The following CYP27C1 variants were observed in gnomAD, a reference collection of about 807,000 sequenced individuals.
The protein encoded by CYP27C1 is cytochrome P450 family 27 subfamily C member 1.
A neutral mutation model predicts 40.6 loss-of-function variants in CYP27C1; 29 were observed. The ratio of observed to expected loss-of-function variants is 0.71; its 90% CI spans 0.53 to 0.97. The LOEUF is 0.97. Ranked by LOEUF, CYP27C1 falls within the 50% of genes least tolerant of loss-of-function variation. CYP27C1 has a pLI of 0.00. For missense variants in CYP27C1, 390 were observed against 485.8 expected, an observed-to-expected ratio of 0.80 and a Z score of 1.85; for synonymous variants, 198 against 186.8, an observed-to-expected ratio of 1.06 and a Z score of -0.49.
chr2:127,189,983 C>T (rs928461217), intron 8 of CYP27C1, among the ~76,000 whole-genome samples: 1 of 152,090 alleles, frequency 6.6e-6, no homozygotes, highest in East Asian at 1.9e-4. Flanking sequence ...ATGAGACTTC[C>T]TTTTTCTATT....
At chr2:127,194,010 G>A (rs1682848555) in intron 6 of CYP27C1, 143 bp from the exon 7 acceptor site, 5 of 928,946 alleles carry the variant, frequency 5.4e-6, no homozygotes, top group South Asian at 1.7e-5. Flanking sequence ...GAAACATTTT[G>A]CAAGGACCTT....
intron 2 of CYP27C1, among the ~76,000 whole-genome samples, chr2:127,204,547 GAGAGAGAGAGAAAGAA>G (rs1338722384): frequency 2.3e-4 from 15 of 64,846 alleles, no homozygotes; most frequent in South Asian, 5.0e-4. Context: ...GAGAGAGAGA[GAGAGAGAGAGAAAGAA>G]AGAAAGAAAG....
At chr2:127,210,853 C>T (rs1313538685) in intron 1 of CYP27C1, among the ~76,000 whole-genome samples, 2 of 152,100 alleles carry the variant, frequency 1.3e-5, no homozygotes, top group African/African-American at 4.8e-5. Context: ...CAGAAGCACC[C>T]AGATTCATAA....
In CYP27C1 at chr2:127,199,538, G is replaced by A. The variant is rs779961606; in HGVS notation, c.885C>T (p.Ser295=). The A allele has an allele frequency of 3.1e-6, 5 of 1,612,324 alleles. No homozygotes were observed. In the African/African-American group the frequency reaches 5.3e-5, roughly 17 times the overall value. Reference sequence around the variant, plus strand: ...TCAACTTGTTGTCAACATGAATTTGGCCTGTTTGAAAACAGTATTTCTTTT... The same window carrying A: ...TCAACTTGTTGTCAACATGAATTTGACCTGTTTGAAAACAGTATTTCTTTT... ...CRSWDGLFKF[S]QIHVDNKLRD... Residue 295 remains serine, a splice_region_variant and synonymous_variant, in exon 5 of 9, where the codon AGC becomes AGT. Coordinates refer to ENST00000664447, the MANE Select transcript of CYP27C1 (RefSeq NM_001367502.1).
intron 1 of CYP27C1, among the ~76,000 whole-genome samples, chr2:127,211,606 C>T (rs1362194073): frequency 2.0e-5 from 3 of 151,800 alleles, no homozygotes; most frequent in Admixed American, 6.6e-5. Context: ...AGGATGGTCT[C>T]GACCTCCTGA....
chr2:127,203,600 TCTTA>T (rs774069613), intron 2 of CYP27C1, 29 bp from the exon 3 acceptor site: 21 of 1,592,908 alleles, frequency 1.3e-5, no homozygotes, highest in Middle Eastern at 1.7e-4. Flanking sequence ...TTTCAAATCA[TCTTA>T]CTTACACTGA....
chr2:127,204,626 A>AAAGAAAGG (rs200607857), intron 2 of CYP27C1, among the ~76,000 whole-genome samples: 1 of 38,916 alleles, frequency 2.6e-5, no homozygotes, highest in Admixed American at 3.3e-4. Flanking sequence ...AGAAAGAAAG[A>AAAGAAAGG]AGACTGCAGC....
rs1281024382 is a variant in CYP27C1, at chr2:127,208,315, G to A, written c.283-2225C>T. Among the ~76,000 whole-genome samples, 1 of 152,306 alleles carries A rather than the reference G, an allele frequency of 6.6e-6. No individual in the cohort carries two copies. Among genetic ancestry groups the A allele is most frequent in the East Asian group, 1.9e-4 (1 of 5,178 alleles). ...CCACTCCCCCCAGCCAAGGGAGGTG[G>A]TGAGTGAGCGGGCTACCCAGCTGGG... On this transcript the variant is annotated intron_variant, in intron 1 of 8. Transcript: ENST00000664447. This position sits in a 1 kb window ranked among gnomAD's most constrained non-coding sequence, Gnocchi z 5.2.
intron 8 of CYP27C1, 54 bp from the exon 9 acceptor site, chr2:127,187,441 A>G: frequency 2.7e-6 from 4 of 1,475,962 alleles, no homozygotes; most frequent in East Asian, 4.6e-5. Context: ...GAAAATTCTC[A>G]GTGCTCCCTG....
intron 5 of CYP27C1, among the ~76,000 whole-genome samples, chr2:127,197,628 C>T (rs1167809870): frequency 6.6e-6 from 1 of 152,204 alleles, no homozygotes; most frequent in Non-Finnish European, 1.5e-5. Context: ...TTAATTCTCT[C>T]TTTCCACCCG....
In CYP27C1 at chr2:127,208,215, C is replaced by T. The variant is rs144937257; in HGVS notation, c.283-2125G>A. 8.5e-4 allele frequency among the ~76,000 whole-genome samples: 129 copies of T among 152,282 alleles called. No homozygotes were observed. The highest frequency in any genetic ancestry group is 3.0e-3 in the African/African-American group (124 of 41,558). On this transcript the variant is annotated intron_variant, in intron 1 of 8. Coordinates refer to ENST00000664447, the MANE Select transcript of CYP27C1 (RefSeq NM_001367502.1). This position sits in a 1 kb window ranked among gnomAD's most constrained non-coding sequence, Gnocchi z 5.2. ...TCTCTCATCAAAATTGACTAGAAGG[C>T]TGGCATAACCCACGGAGAGAAGGAA...
chr2:127,199,334 T>G, intron 5 of CYP27C1, 42 bp downstream of exon 5: 1 of 1,601,878 alleles, frequency 6.2e-7, no homozygotes, highest in Non-Finnish European at 8.5e-7. Flanking sequence ...GAGGAAGGGG[T>G]TATCGTGTGT....
intron 8 of CYP27C1, among the ~76,000 whole-genome samples, chr2:127,190,840 C>T (rs573032056): frequency 6.6e-6 from 1 of 151,094 alleles, no homozygotes; most frequent in Admixed American, 6.6e-5. Flanking sequence ...CCAGCTACTC[C>T]AGAGGCTGAG....
At chr2:127,202,644 G>C (rs941943791) in intron 3 of CYP27C1, among the ~76,000 whole-genome samples, 6 of 152,270 alleles carry the variant, frequency 3.9e-5, no homozygotes, top group African/African-American at 1.4e-4. Context: ...ATTTGAACAG[G>C]AATGTACCAC....
At chr2:127,194,704 C>A (rs1251562762) in intron 6 of CYP27C1, among the ~76,000 whole-genome samples, 1 of 152,214 alleles carries the variant, frequency 6.6e-6, no homozygotes, top group African/African-American at 2.4e-5. Flanking sequence ...ATTTTCCTAA[C>A]AAATCGATCT....
Position 127,211,361 on chromosome 2 carries a change from G to GTT in CYP27C1, c.283-5273_283-5272dup, listed in dbSNP as rs1156982574. On this transcript the variant is annotated intron_variant, in intron 1 of 8. Coordinates refer to ENST00000664447, the MANE Select transcript of CYP27C1 (RefSeq NM_001367502.1). ...ATCTCTGGGATACAGCTAAAGCAGT[G>GTT]TTTTTTTGTTTTTTTTTTTTTTTTT... is the stretch of plus-strand genomic sequence containing the variant. Among the ~76,000 whole-genome samples the GTT allele has an allele frequency of 1.3e-3, 134 of 103,626 alleles. 6 individuals are homozygous for GTT. Among genetic ancestry groups the GTT allele is most frequent in the African/African-American group, 3.8e-3 (96 of 25,202 alleles). The allele number at this position is 103,626 out of a possible 152,430, so 68.0% of individuals were successfully genotyped here. A position where few individuals can be genotyped will look rare whatever the true frequency, so the allele number is the denominator to read the frequency against.
In CYP27C1 at chr2:127,193,198, A is replaced by T; in HGVS notation, c.1393T>A (p.Leu465Ile). 2 of 1,614,136 alleles carry T rather than the reference A, an allele frequency of 1.2e-6. No homozygotes were observed. The highest frequency in any genetic ancestry group is 1.7e-6 in the Non-Finnish European group (2 of 1,180,022). ...GATCCAAAATTGTCAACTCTATCTA[A>T]GTCTCCTTTCCGCAGCCAGCGCTCA... is the stretch of plus-strand genomic sequence containing the variant. ...RPERWLRKGD[L>I]DRVDNFGSIP... The change falls in exon 8 of 9, where the codon TTA (leucine) becomes ATA (isoleucine). Residue 465 changes from leucine to isoleucine, a missense_variant. Leu to Ile is a conservative substitution (Grantham distance 5, BLOSUM62 2). Transcript: ENST00000664447.
intron 8 of CYP27C1, among the ~76,000 whole-genome samples, chr2:127,189,168 G>GCCCCC (rs34707287): frequency 1.2e-4 from 15 of 129,196 alleles, no homozygotes; most frequent in African/African-American, 1.4e-4. Context: ...AAAAAACACT[G>GCCCCC]CCCCCCCCCT....
Position 127,201,147 on chromosome 2 carries a change from C to A in CYP27C1, c.858G>T (p.Arg286Ser), listed in dbSNP as rs373505113. The change falls in exon 4 of 9, where the codon AGG (arginine) becomes AGT (serine). Residue 286 changes from arginine to serine, a missense_variant. Arg to Ser is a moderately radical substitution (Grantham distance 110). Transcript: ENST00000664447. The surrounding 1 kb of genome is among the most constrained non-coding windows in gnomAD (Gnocchi z 6.0). ...TGAATTTGAAGAGTCCATCCCAGGA[C>A]CTGCAGAATTCCCGCCAGGGCTTTG... ...FIPKPWREFC[R>S]SWDGLFKFSQ... The A allele has an allele frequency of 3.1e-6, 5 of 1,613,632 alleles. No homozygotes were observed. The Admixed American group carries it at 6.7e-5, about 22-fold the overall frequency.
Sources: gnomAD v4.1 joint callset for allele counts (sites outside exome capture counted in the v4.1 genomes callset) on GRCh38, gnomAD v4.1.1 for gene constraint, Gnocchi (gnomAD v3.1) non-coding constraint, MANE v1.5 for transcripts, NCBI Gene and HGNC (gene_info 2026-07-23, HGNC 2026-07-21) for gene names.